Variants in ELAVL2 observed in about 807,000 individuals in gnomAD.
ELAVL2 encodes the protein ELAV like RNA binding protein 2.
Under a neutral mutation model 34.6 loss-of-function variants are expected in ELAVL2, and 4 were observed. The ratio of observed to expected loss-of-function variants is 0.12; its 90% CI spans 0.06 to 0.26. The LOEUF (loss-of-function observed/expected upper bound fraction) is 0.26, where lower values mean the gene tolerates loss of function less well. ELAVL2 is among the 10% of genes least tolerant of loss of function. The pLI, the probability that ELAVL2 is intolerant of heterozygous loss-of-function variation, is 1.00. For synonymous variants in ELAVL2, 193 were observed against 154.8 expected, an observed-to-expected ratio of 1.25 and a Z score of -1.83; for missense variants, 432 against 442.8, an observed-to-expected ratio of 0.98 and a Z score of 0.22.
At chr9:23,784,614 T>C (rs527575505) in intron 1 of ELAVL2, among the ~76,000 whole-genome samples, 7 of 152,298 alleles carry the variant, frequency 4.6e-5, no homozygotes, top group East Asian at 1.9e-4. Context: ...TTTACAATTA[T>C]GGATAAAACT....
At chr9:23,779,522 C>A in intron 1 of ELAVL2, 1 of 512,302 alleles carries the variant, frequency 2.0e-6, no homozygotes, top group Non-Finnish European at 2.5e-6. Context: ...TCCCTGCCTC[C>A]AAAGCTGCTA....
chr9:23,776,359 A>C (rs2058188586), intron 1 of ELAVL2, among the ~76,000 whole-genome samples: 1 of 152,170 alleles, frequency 6.6e-6, no homozygotes, highest in Non-Finnish European at 1.5e-5. Context: ...GGTGTGTTCC[A>C]TTGTCACCAT....
chr9:23,692,449 C>A lies in ELAVL2; in HGVS notation c.*108G>T. The A allele has an allele frequency of 8.7e-7, 1 of 1,143,966 alleles. No homozygotes were observed. Among genetic ancestry groups the A allele is most frequent in the South Asian group, 1.8e-5 (1 of 56,392 alleles). 70.9% of individuals were successfully genotyped at this position (1,143,966 alleles called of 1,614,324 possible). ...TAGGATGCTAAGTAGTCATTTTATC[C>A]CCATCTCAACACTGACTTACAAAGA... On this transcript the variant is annotated 3_prime_UTR_variant, in exon 7 of 7. Coordinates refer to ENST00000397312, the MANE Select transcript of ELAVL2 (RefSeq NM_004432.5).
intron 1 of ELAVL2, among the ~76,000 whole-genome samples, chr9:23,806,067 TA>T (rs1230778691): frequency 6.6e-6 from 1 of 152,146 alleles, no homozygotes; most frequent in African/African-American, 2.4e-5. Flanking sequence ...AATAGCACTT[TA>T]ATAAAGTCAT....
chr9:23,804,819 ACAAT>A (rs1222310213), intron 1 of ELAVL2, among the ~76,000 whole-genome samples: 1 of 152,190 alleles, frequency 6.6e-6, no homozygotes, highest in Non-Finnish European at 1.5e-5. Context: ...GTCACCAACC[ACAAT>A]CATTATACCT....
chr9:23,722,836 A>G (rs1356552214), intron 3 of ELAVL2, among the ~76,000 whole-genome samples: 2 of 152,362 alleles, frequency 1.3e-5, no homozygotes, highest in East Asian at 1.9e-4. Flanking sequence ...TAATAGTCCT[A>G]TGAAATTTGT....
intron 2 of ELAVL2, among the ~76,000 whole-genome samples, chr9:23,740,970 C>G (rs1007765447): frequency 6.6e-6 from 1 of 152,188 alleles, no homozygotes; most frequent in Admixed American, 6.5e-5. Flanking sequence ...ATCAATACCA[C>G]ATGGTCTCTG....
chr9:23,693,719 C>T (rs986586068), intron 5 of ELAVL2, among the ~76,000 whole-genome samples: 5 of 152,186 alleles, frequency 3.3e-5, no homozygotes, highest in East Asian at 1.9e-4. Flanking sequence ...GACACAGTGA[C>T]GGTCATCTGA....
intron 2 of ELAVL2, among the ~76,000 whole-genome samples, chr9:23,758,221 C>A (rs2054044202): frequency 6.6e-6 from 1 of 152,088 alleles, no homozygotes; most frequent in African/African-American, 2.4e-5. Context: ...CACCACAGGA[C>A]AGGGTCCAAA....
chr9:23,797,894 C>T (rs572911140), intron 1 of ELAVL2, among the ~76,000 whole-genome samples: 4 of 151,924 alleles, frequency 2.6e-5, no homozygotes, highest in East Asian at 1.9e-4. Flanking sequence ...CGCCATTGCA[C>T]TCCAGCTTGC....
intron 1 of ELAVL2, among the ~76,000 whole-genome samples, chr9:23,799,338 G>A (rs2061324889): frequency 6.6e-6 from 1 of 152,130 alleles, no homozygotes; most frequent in Admixed American, 6.5e-5. Flanking sequence ...CTGTTACCTT[G>A]TTTCCCATCC....
rs1663114303 is a variant in ELAVL2 at position 23,692,416 on chromosome 9, A to T, written c.*141T>A. 2.4e-6 allele frequency: 2 copies of T among 845,788 alleles called. No individual in the cohort carries two copies. The highest frequency in any genetic ancestry group is 3.6e-6 in the Non-Finnish European group (2 of 562,398). 52.4% of individuals were successfully genotyped at this position (845,788 alleles called of 1,614,324 possible). On this transcript the variant is annotated 3_prime_UTR_variant, in exon 7 of 7. Coordinates refer to ENST00000397312, the MANE Select transcript of ELAVL2 (RefSeq NM_004432.5). ...AAATACTAGCAATAAAAAATCTCAC[A>T]TATTTCTTAGGATGCTAAGTAGTCA...
At chr9:23,774,789 G>A (rs193223852) in intron 1 of ELAVL2, among the ~76,000 whole-genome samples, 3 of 151,980 alleles carry the variant, frequency 2.0e-5, no homozygotes, top group East Asian at 3.9e-4. Context: ...GATGATCCAG[G>A]CATCTTGTAC....
At chr9:23,755,060 A>G (rs991105753) in intron 2 of ELAVL2, among the ~76,000 whole-genome samples, 1 of 151,994 alleles carries the variant, frequency 6.6e-6, no homozygotes, top group Admixed American at 6.6e-5. Flanking sequence ...CAAAGTCCAA[A>G]CCTTTCCTTT....
Position 23,820,268 on chromosome 9 carries a change from G to A in ELAVL2, c.-16+5538C>T, listed in dbSNP as rs535715795. Among the ~76,000 whole-genome samples, 6 of 152,344 alleles carry A rather than the reference G, an allele frequency of 3.9e-5. No individual in the cohort carries two copies. The East Asian group carries it at 9.7e-4, about 25-fold the overall frequency. Reference sequence around the variant, plus strand: ...ATGGTTTTAAATGGACTGATTCGCCGTAAGTTTTGAGGCTGAGCTAAATTT... The same window carrying A: ...ATGGTTTTAAATGGACTGATTCGCCATAAGTTTTGAGGCTGAGCTAAATTT... On this transcript the variant is annotated intron_variant, in intron 1 of 6. Coordinates refer to ENST00000397312, the MANE Select transcript of ELAVL2 (RefSeq NM_004432.5).
intron 1 of ELAVL2, among the ~76,000 whole-genome samples, chr9:23,778,673 G>A (rs1402897446): frequency 1.3e-5 from 2 of 152,152 alleles, no homozygotes; most frequent in Non-Finnish European, 2.9e-5. Flanking sequence ...GAGAGGTTCA[G>A]AATGTCAGAG....
intron 2 of ELAVL2, among the ~76,000 whole-genome samples, chr9:23,754,522 G>C (rs574566634): frequency 6.6e-6 from 1 of 151,992 alleles, no homozygotes; most frequent in African/African-American, 2.4e-5. Flanking sequence ...GCGGTGGCAC[G>C]ATCTCAGTTC....
At chr9:23,804,181 A>ATT (rs34753432) in intron 1 of ELAVL2, among the ~76,000 whole-genome samples, 11 of 147,208 alleles carry the variant, frequency 7.5e-5, no homozygotes, top group South Asian at 2.1e-4. Context: ...TTATTTATTT[A>ATT]TTTTTTTTTT....
intron 3 of ELAVL2, among the ~76,000 whole-genome samples, chr9:23,711,660 T>C (rs985282339): frequency 6.6e-6 from 1 of 152,214 alleles, no homozygotes; most frequent in Non-Finnish European, 1.5e-5. Flanking sequence ...ACAGTCTGAG[T>C]TGGGTGCCTC....
Sources: gnomAD v4.1 joint callset for allele counts (sites outside exome capture counted in the v4.1 genomes callset) on GRCh38, gnomAD v4.1.1 for gene constraint, MANE v1.5 for transcripts, NCBI Gene and HGNC (gene_info 2026-07-23, HGNC 2026-07-21) for gene names.